BTG1: variants seen among roughly 807,000 people sequenced by gnomAD.
BTG1 encodes the protein BTG anti-proliferation factor 1.
Under a neutral mutation model 15.2 loss-of-function variants are expected in BTG1, and 2 were observed. The observed-to-expected ratio is 0.13, with a 90% CI of 0.05 to 0.41. BTG1 has a LOEUF of 0.41. Among genes scored for constraint, BTG1 ranks in the 10% least tolerant of loss-of-function variants. BTG1 has a pLI of 0.99. For missense variants in BTG1, 149 were observed against 215.0 expected, an observed-to-expected ratio of 0.69 and a Z score of 1.92; for synonymous variants, 109 against 82.4, an observed-to-expected ratio of 1.32 and a Z score of -1.75.
intron 1 of BTG1, among the ~76,000 whole-genome samples, 182 bp from the exon 2 acceptor site, chr12:92,144,629 A>G (rs1870464484): frequency 6.6e-6 from 1 of 152,194 alleles, no homozygotes; most frequent in African/African-American, 2.4e-5. Context: ...GGTTTTAGAA[A>G]TAACACAGTA....
intron 1 of BTG1, 56 bp downstream of exon 1, chr12:92,145,332 G>T (rs1022491741): frequency 1.0e-5 from 15 of 1,447,086 alleles, no homozygotes; most frequent in Non-Finnish European, 1.4e-5. Context: ...CCGACGGCCG[G>T]ACTCTGACCC....
rs1870171017 is a variant in BTG1 at position 92,140,894 on chromosome 12, TATCAC to T, written c.*3181_*3185del. 3 of 232,602 alleles carry T rather than the reference TATCAC, an allele frequency of 1.3e-5. No individual in the cohort carries two copies. Among genetic ancestry groups the T allele is most frequent in the African/African-American group, 6.6e-5 (3 of 45,346 alleles). The allele number at this position is 232,602 out of a possible 1,614,324, so 14.4% of individuals were successfully genotyped here. A position where few individuals can be genotyped will look rare whatever the true frequency, so the allele number is the denominator to read the frequency against. ...TCCATATAGCCTATCAAGAGGATTT[TATCAC>T]ATCATTTGAAATAGGGGTGAAAAGG... is the stretch of plus-strand genomic sequence containing the variant. On this transcript the variant is annotated 3_prime_UTR_variant, in exon 2 of 2. Coordinates refer to ENST00000256015, the MANE Select transcript of BTG1 (RefSeq NM_001731.3).
chr12:92,145,350 T>A, intron 1 of BTG1, 38 bp downstream of exon 1: 6 of 1,502,328 alleles, frequency 4.0e-6, no homozygotes, highest in Non-Finnish European at 5.4e-6. Flanking sequence ...CCCAGGGATG[T>A]GGGGCCCGCG....
At position 92,143,050 on chromosome 12, in the gene BTG1, G is replaced by C. The variant is rs709222; in HGVS notation, c.*1030C>G. On this transcript the variant is annotated 3_prime_UTR_variant, in exon 2 of 2. Transcript: ENST00000256015. ...TCCAGCATGACCAGTGTGCAACAGA[G>C]ATTCAGTTTATAGAACCTGTCTTCT... The C allele has an allele frequency of 1.3e-5, 3 of 232,760 alleles. No individual in the cohort carries two copies. Among genetic ancestry groups the C allele is most frequent in the Admixed American group, 5.6e-5 (1 of 17,768 alleles). The allele number at this position is 232,760 out of a possible 1,614,324, so 14.4% of individuals were successfully genotyped here.
intron 1 of BTG1, 198 bp downstream of exon 1, chr12:92,145,190 G>A: frequency 1.3e-6 from 1 of 749,998 alleles, no homozygotes. Context: ...TGGGGGGAAG[G>A]GGGCGCCCTC....
chr12:92,142,426 C>T lies in BTG1; in HGVS notation c.*1654G>A. 1 of 231,906 alleles carries T rather than the reference C, an allele frequency of 4.3e-6. No individual in the cohort carries two copies. The highest frequency in any genetic ancestry group is 6.1e-5 in the East Asian group (1 of 16,324). 14.4% of individuals were successfully genotyped at this position (231,906 alleles called of 1,614,324 possible). A position where few individuals can be genotyped will look rare whatever the true frequency, so the allele number is the denominator to read the frequency against. ...CACTTTCAATTTCCACTGAAAAACG[C>T]TGTTATCCTCTACAACTAAACAGCA... On this transcript the variant is annotated 3_prime_UTR_variant, in exon 2 of 2. Coordinates refer to ENST00000256015, the MANE Select transcript of BTG1 (RefSeq NM_001731.3).
In BTG1 at chr12:92,143,319, C is replaced by T. The variant is rs2136947251; in HGVS notation, c.*761G>A. ...TGGTGGTTTGTGGAAAAGACTTTTACCCAATTAAGTACAAGGAAAGTTACA... is the reference window on the plus strand; with the variant it reads ...TGGTGGTTTGTGGAAAAGACTTTTATCCAATTAAGTACAAGGAAAGTTACA... On this transcript the variant is annotated 3_prime_UTR_variant, in exon 2 of 2. Transcript: ENST00000256015. The T allele has an allele frequency of 4.3e-6, 1 of 232,904 alleles. No individual in the cohort carries two copies. The highest frequency in any genetic ancestry group is 1.3e-3 in the Middle Eastern group (1 of 782). The allele number at this position is 232,904 out of a possible 1,614,324, so 14.4% of individuals were successfully genotyped here.
chr12:92,144,425 G>A lies in BTG1; in HGVS notation c.171C>T (p.Phe57=), dbSNP rs1870446692. ...LLAEHYKHHW[F]PEKPCKGSGY... ...CCGATCCCTTGCATGGCTTTTCTGG[G>A]AACCAGTGATGTTTATAATGTTCTA... Residue 57 remains phenylalanine, a synonymous_variant, in exon 2 of 2, where the codon TTC becomes TTT. Coordinates refer to ENST00000256015, the MANE Select transcript of BTG1 (RefSeq NM_001731.3). 1.2e-6 allele frequency: 2 copies of A among 1,614,144 alleles called. No individual in the cohort carries two copies. The highest frequency in any genetic ancestry group is 1.3e-5 in the African/African-American group (1 of 75,046).
chr12:92,141,542 C>A lies in BTG1; in HGVS notation c.*2538G>T, dbSNP rs748950214. Reference sequence around the variant, plus strand: ...TATGAATTCCTGGTGCCAAAGGCAACAATAATTTTGAAAGTAGTCATCCTA... The same window carrying A: ...TATGAATTCCTGGTGCCAAAGGCAAAAATAATTTTGAAAGTAGTCATCCTA... On this transcript the variant is annotated 3_prime_UTR_variant, in exon 2 of 2. Coordinates refer to ENST00000256015, the MANE Select transcript of BTG1 (RefSeq NM_001731.3). 5 of 231,140 alleles carry A rather than the reference C, an allele frequency of 2.2e-5. No individual in the cohort carries two copies. The highest frequency in any genetic ancestry group is 4.3e-5 in the Non-Finnish European group (5 of 116,798). 14.3% of individuals were successfully genotyped at this position (231,140 alleles called of 1,614,324 possible).
At chr12:92,145,141 T>A (rs2136949538) in intron 1 of BTG1, 1 of 406,152 alleles carries the variant, frequency 2.5e-6, no homozygotes, top group Non-Finnish European at 4.0e-6. Flanking sequence ...TTAAGTTTCT[T>A]TGTTGTGCGT....
At chr12:92,144,718 G>C (rs1177804181) in intron 1 of BTG1, among the ~76,000 whole-genome samples, 6 of 152,202 alleles carry the variant, frequency 3.9e-5, no homozygotes, top group African/African-American at 1.4e-4. Context: ...TCGGCCAGTC[G>C]GGAAGCCACT....
In BTG1 at chr12:92,143,418, G is replaced by C; in HGVS notation, c.*662C>G. On this transcript the variant is annotated 3_prime_UTR_variant, in exon 2 of 2. Coordinates refer to ENST00000256015, the MANE Select transcript of BTG1 (RefSeq NM_001731.3). The stretch of plus-strand genomic sequence containing the variant: ...AACTACAAGCTAGCAAATGTACAGA[G>C]AGCTGGCTGGTGCTAACACCACAGT... 4.3e-6 allele frequency: 1 copy of C among 233,472 alleles called. No individual in the cohort carries two copies. Among genetic ancestry groups the C allele is most frequent in the Non-Finnish European group, 8.5e-6 (1 of 117,934 alleles). 14.5% of individuals were successfully genotyped at this position (233,472 alleles called of 1,614,324 possible).
intron 1 of BTG1, chr12:92,145,111 C>T: frequency 3.3e-6 from 1 of 299,410 alleles, no homozygotes; most frequent in Non-Finnish European, 5.9e-6. Context: ...CCTCGGACCG[C>T]AGCTCCCGCC....
chr12:92,145,283 C>G (rs564907476), intron 1 of BTG1, 105 bp downstream of exon 1: 21 of 1,328,032 alleles, frequency 1.6e-5, no homozygotes, highest in Non-Finnish European at 2.0e-5. Flanking sequence ...GGGGCCCAAG[C>G]GCGACCGGCC....
chr12:92,143,838 C>A lies in BTG1; in HGVS notation c.*242G>T, dbSNP rs1291427595. On this transcript the variant is annotated 3_prime_UTR_variant, in exon 2 of 2. Transcript: ENST00000256015. The stretch of plus-strand genomic sequence containing the variant: ...TGAAACCACCCTAGGACTTCCCTCC[C>A]TAGCAAATAAAGTGATCATTTACTT... The A allele has an allele frequency of 1.0e-5, 5 of 477,222 alleles. No individual in the cohort carries two copies. Among genetic ancestry groups the A allele is most frequent in the African/African-American group, 4.1e-5 (2 of 49,242 alleles). 29.6% of individuals were successfully genotyped at this position (477,222 alleles called of 1,614,324 possible).
chr12:92,141,586 T>G lies in BTG1; in HGVS notation c.*2494A>C, dbSNP rs774262313. 1.3e-5 allele frequency: 3 copies of G among 231,044 alleles called. No individual in the cohort carries two copies. Among genetic ancestry groups the G allele is most frequent in the Admixed American group, 5.7e-5 (1 of 17,698 alleles). The allele number at this position is 231,044 out of a possible 1,614,324, so 14.3% of individuals were successfully genotyped here. A position where few individuals can be genotyped will look rare whatever the true frequency, so the allele number is the denominator to read the frequency against. On this transcript the variant is annotated 3_prime_UTR_variant, in exon 2 of 2. Transcript: ENST00000256015. The stretch of plus-strand genomic sequence containing the variant: ...CATCCTATCTTAAAAGGATTTATAA[T>G]AAAATATTTCAAAACATTCCCCAGA...
At chr12:92,144,521 G>A (rs981235600) in intron 1 of BTG1, 74 bp from the exon 2 acceptor site, 2 of 1,575,834 alleles carry the variant, frequency 1.3e-6, no homozygotes, top group African/African-American at 1.4e-5. Context: ...TCCTACCCCA[G>A]GCTCCTTTGA....
intron 1 of BTG1, 102 bp from the exon 2 acceptor site, chr12:92,144,549 T>C (rs991567004): frequency 3.8e-5 from 55 of 1,465,316 alleles, no homozygotes; most frequent in Non-Finnish European, 8.4e-6. Context: ...AAATGAAAAC[T>C]ATCAACTTTT....
In BTG1 at chr12:92,143,386, C is replaced by T. The variant is rs1422537535; in HGVS notation, c.*694G>A. 1 of 233,106 alleles carries T rather than the reference C, an allele frequency of 4.3e-6. No homozygotes were observed. The highest frequency in any genetic ancestry group is 8.5e-6 in the Non-Finnish European group (1 of 117,776). 14.4% of individuals were successfully genotyped at this position (233,106 alleles called of 1,614,324 possible). ...TCTAAAAATAAGAAGTTTACTCAGT[C>T]TTAGAAAACTACAAGCTAGCAAATG... On this transcript the variant is annotated 3_prime_UTR_variant, in exon 2 of 2. Coordinates refer to ENST00000256015, the MANE Select transcript of BTG1 (RefSeq NM_001731.3).
Sources: gnomAD v4.1 joint callset for allele counts (sites outside exome capture counted in the v4.1 genomes callset) on GRCh38, gnomAD v4.1.1 for gene constraint, MANE v1.5 for transcripts, NCBI Gene and HGNC (gene_info 2026-07-23, HGNC 2026-07-21) for gene names.